Variants in TMEM132D observed in about 807,000 individuals in gnomAD.
The protein encoded by TMEM132D is transmembrane protein 132D.
Under a neutral mutation model 62.3 loss-of-function variants are expected in TMEM132D, and 21 were observed. The observed-to-expected ratio is 0.34, with a 90% CI of 0.24 to 0.49. The LOEUF (loss-of-function observed/expected upper bound fraction) is 0.49. Ranked by LOEUF, TMEM132D falls within the 20% of genes least tolerant of loss-of-function variation. TMEM132D has a pLI of 0.99. For synonymous variants in TMEM132D, 621 were observed against 575.6 expected (o/e 1.08, Z -1.13); for missense variants, 1,346 against 1,402.8 (o/e 0.96, Z 0.65).
At position 129,765,884 on chromosome 12, in the gene TMEM132D, C is replaced by T. The variant is rs115683817; in HGVS notation, c.80-65186G>A. Among the ~76,000 whole-genome samples the T allele has an allele frequency of 6.7e-3, 1,023 of 152,224 alleles. 13 individuals carry two copies. Among genetic ancestry groups the T allele is most frequent in the African/African-American group, 0.023 (973 of 41,532 alleles). On this transcript the variant is annotated intron_variant, in intron 1 of 8. Transcript: ENST00000422113. ...TTAACATGGCCGATGAGCTGTGAAG[C>T]GGCACGTGCTAGGAAGGGCTCTGCA...
intron 4 of TMEM132D, among the ~76,000 whole-genome samples, chr12:129,316,650 T>C (rs762844417): frequency 6.6e-6 from 1 of 152,202 alleles, no homozygotes. Flanking sequence ...TCTGTATATA[T>C]CTGTTAAGTC....
chr12:129,305,795 G>T (rs564362440), intron 4 of TMEM132D, among the ~76,000 whole-genome samples: 1 of 152,146 alleles, frequency 6.6e-6, no homozygotes, highest in East Asian at 1.9e-4. Flanking sequence ...TCCGGTCCAC[G>T]CAAGGTCTTT....
chr12:129,250,173 C>T (rs1441323849), intron 4 of TMEM132D, among the ~76,000 whole-genome samples: 2 of 152,166 alleles, frequency 1.3e-5, no homozygotes, highest in Non-Finnish European at 2.9e-5. Context: ...ACCCCAATTA[C>T]AGCCTCCTCC....
chr12:129,294,046 C>T (rs935234121), intron 4 of TMEM132D, among the ~76,000 whole-genome samples: 10 of 152,166 alleles, frequency 6.6e-5, no homozygotes, highest in African/African-American at 2.2e-4. Flanking sequence ...TTGGGTTGCA[C>T]CCTTGTAAAG....
intron 5 of TMEM132D, among the ~76,000 whole-genome samples, chr12:129,202,873 A>C (rs1878745268): frequency 6.6e-6 from 1 of 152,234 alleles, no homozygotes; most frequent in South Asian, 2.1e-4. Flanking sequence ...TACGTGAGGC[A>C]GCTTTAGGCT....
rs112981817 is a variant in TMEM132D at position 129,747,129 on chromosome 12, G to A, written c.80-46431C>T. On this transcript the variant is annotated intron_variant, in intron 1 of 8. Transcript: ENST00000422113. ...AGTAAAAGCCAAGGTCCTCATAACC[G>A]CCCACAAGGCCCTGAGCCCATCCGG... Among the ~76,000 whole-genome samples, 282 of 42,876 alleles carry A rather than the reference G, an allele frequency of 6.6e-3. 1 individual carries two copies. Among genetic ancestry groups the A allele is most frequent in the African/African-American group, 0.016 (265 of 16,624 alleles). The allele number at this position is 42,876 out of a possible 152,430, so 28.1% of individuals were successfully genotyped here.
At chr12:129,344,258 T>C (rs895787730) in intron 3 of TMEM132D, among the ~76,000 whole-genome samples, 2 of 152,160 alleles carry the variant, frequency 1.3e-5, no homozygotes, top group African/African-American at 4.8e-5. Context: ...ATATTTCTGG[T>C]GACCACAGAT....
At chr12:129,634,498 T>C (rs1879430032) in intron 2 of TMEM132D, among the ~76,000 whole-genome samples, 2 of 151,628 alleles carry the variant, frequency 1.3e-5, no homozygotes, top group African/African-American at 4.8e-5. Flanking sequence ...AAATGAAATT[T>C]TTCAGGATGG....
At chr12:129,232,190 A>G (rs1879661293) in intron 4 of TMEM132D, among the ~76,000 whole-genome samples, 1 of 152,260 alleles carries the variant, frequency 6.6e-6, no homozygotes, top group South Asian at 2.1e-4. Flanking sequence ...GCAAAGTGTG[A>G]GCACCACTGA....
chr12:129,233,948 A>G (rs1414768536), intron 4 of TMEM132D, among the ~76,000 whole-genome samples: 2 of 152,216 alleles, frequency 1.3e-5, no homozygotes, highest in African/African-American at 4.8e-5. Flanking sequence ...GCAAAAGAGA[A>G]AGAAAACCAC....
intron 1 of TMEM132D, among the ~76,000 whole-genome samples, chr12:129,897,898 T>C (rs1371278712): frequency 6.6e-6 from 1 of 152,208 alleles, no homozygotes; most frequent in African/African-American, 2.4e-5. Flanking sequence ...GCCTGGTTTT[T>C]AGTTATTCCA....
rs540799442 is a variant in TMEM132D, at chr12:129,903,415, A to G, written c.-76T>C. The G allele has an allele frequency of 3.9e-5, 57 of 1,474,764 alleles. No individual in the cohort carries two copies. The Admixed American group carries it at 9.7e-4, about 25-fold the overall frequency. The allele number at this position is 1,474,764 out of a possible 1,614,324, so 91.4% of individuals were successfully genotyped here. A position where few individuals can be genotyped will look rare whatever the true frequency, so the allele number is the denominator to read the frequency against. ...ACAAGAGACCGTCTCAGTCCCCTAG[A>G]GGCCCGCAGCGGGGCCGGTGGCGAG... On this transcript the variant is annotated 5_prime_UTR_variant, in exon 1 of 9. Transcript: ENST00000422113. This position sits in a 1 kb window ranked among gnomAD's most constrained non-coding sequence, Gnocchi z 6.2.
intron 1 of TMEM132D, among the ~76,000 whole-genome samples, chr12:129,834,987 A>G (rs1767297706): frequency 1.3e-5 from 2 of 152,200 alleles, no homozygotes; most frequent in Admixed American, 1.3e-4. Context: ...ACACATGCTT[A>G]CTGAATGAAG....
At chr12:129,613,428 G>A (rs1446046285) in intron 2 of TMEM132D, among the ~76,000 whole-genome samples, 3 of 152,158 alleles carry the variant, frequency 2.0e-5, no homozygotes, top group Non-Finnish European at 4.4e-5. Flanking sequence ...TCTCAACAGG[G>A]CGTCTTCCCC....
intron 3 of TMEM132D, among the ~76,000 whole-genome samples, chr12:129,378,309 G>A (rs550823581): frequency 5.1e-4 from 78 of 152,310 alleles, no homozygotes; most frequent in Non-Finnish European, 8.2e-4. Flanking sequence ...CATGTCTAAC[G>A]TGGATATTCC....
chr12:129,507,554 G>A (rs998045652), intron 3 of TMEM132D, among the ~76,000 whole-genome samples: 7 of 151,586 alleles, frequency 4.6e-5, no homozygotes, highest in East Asian at 3.9e-4. Flanking sequence ...AATGGCATTC[G>A]CAGCAACCTG....
At chr12:129,475,959 T>C (rs1240368993) in intron 3 of TMEM132D, among the ~76,000 whole-genome samples, 1 of 152,240 alleles carries the variant, frequency 6.6e-6, no homozygotes, top group Non-Finnish European at 1.5e-5. Context: ...CCTATTTATA[T>C]AGAGAATGGA....
At chr12:129,102,538 C>T (rs1423506951) in intron 5 of TMEM132D, among the ~76,000 whole-genome samples, 1 of 152,076 alleles carries the variant, frequency 6.6e-6, no homozygotes, top group Non-Finnish European at 1.5e-5. Flanking sequence ...AACACACACA[C>T]ACATGCACAC....
intron 4 of TMEM132D, among the ~76,000 whole-genome samples, chr12:129,278,522 T>A (rs1490681185): frequency 6.6e-6 from 1 of 151,652 alleles, no homozygotes; most frequent in Non-Finnish European, 1.5e-5. Flanking sequence ...TCAGCCAGGC[T>A]TGGTTTCAGG....
Sources: gnomAD v4.1 joint callset for allele counts (sites outside exome capture counted in the v4.1 genomes callset) on GRCh38, gnomAD v4.1.1 for gene constraint, Gnocchi (gnomAD v3.1) non-coding constraint, MANE v1.5 for transcripts, NCBI Gene and HGNC (gene_info 2026-07-23, HGNC 2026-07-21) for gene names.